Variants in SAMMSON observed in about 807,000 individuals in gnomAD.
The protein encoded by SAMMSON is long intergenic non-protein coding RNA 1212.
intron 4 of SAMMSON, among the ~76,000 whole-genome samples, chr3:70,230,405 G>C (rs1382498861): frequency 6.6e-6 from 1 of 152,068 alleles, no homozygotes; most frequent in African/African-American, 2.4e-5. Flanking sequence ...TTGAGGGCTG[G>C]TGTCAAACGC....
At chr3:70,297,931 T>C (rs1376261984) in intron 7 of SAMMSON, among the ~76,000 whole-genome samples, 2 of 152,144 alleles carry the variant, frequency 1.3e-5, no homozygotes, top group Admixed American at 6.6e-5. Context: ...TTAAAGCTTT[T>C]AGAGAGTGGT....
At chr3:70,022,213 A>G (rs975885603) in intron 3 of SAMMSON, among the ~76,000 whole-genome samples, 1 of 146,376 alleles carries the variant, frequency 6.8e-6, no homozygotes, top group Non-Finnish European at 1.5e-5. Flanking sequence ...TCAAATGACA[A>G]CGTGATATTC....
At chr3:70,352,110 CAAA>C (rs71126499) in intron 7 of SAMMSON, among the ~76,000 whole-genome samples, 1,767 of 138,900 alleles carry the variant, frequency 0.013, 18 homozygotes, top group African/African-American at 0.036. Context: ...CTCAATCTGG[CAAA>C]AAAAAAAAAA....
intron 3 of SAMMSON, among the ~76,000 whole-genome samples, chr3:70,063,247 T>A (rs2067197040): frequency 6.6e-6 from 1 of 152,144 alleles, no homozygotes; most frequent in African/African-American, 2.4e-5. Context: ...GATTAACTTT[T>A]GTATAATATT....
intron 6 of SAMMSON, among the ~76,000 whole-genome samples, chr3:70,264,344 C>G (rs1185196268): frequency 6.6e-6 from 1 of 152,160 alleles, no homozygotes; most frequent in Non-Finnish European, 1.5e-5. Context: ...ATTTAGAAAT[C>G]TGCTCTTGTT....
chr3:70,427,079 A>T (rs1234864569), intron 2 of SAMMSON, among the ~76,000 whole-genome samples: 5 of 152,240 alleles, frequency 3.3e-5, no homozygotes, highest in Admixed American at 1.3e-4. Flanking sequence ...ATCTGCCCTC[A>T]GTTTAAGACA....
chr3:70,400,669 T>C (rs1388307386), intron 2 of SAMMSON, among the ~76,000 whole-genome samples: 1 of 152,180 alleles, frequency 6.6e-6, no homozygotes, highest in Non-Finnish European at 1.5e-5. Flanking sequence ...AGGTGGCTCA[T>C]GCCTGTAATC....
intron 3 of SAMMSON, chr3:70,014,246 C>G (rs1304586896): frequency 2.0e-5 from 3 of 152,092 alleles, no homozygotes; most frequent in African/African-American, 7.2e-5. Flanking sequence ...ATTCAGTTGG[C>G]TAACATAATC....
chr3:70,052,240 C>T (rs1213358491), intron 3 of SAMMSON, among the ~76,000 whole-genome samples: 4 of 151,890 alleles, frequency 2.6e-5, no homozygotes, highest in African/African-American at 9.7e-5. Context: ...TGACAATGTC[C>T]CCAGAATAAT....
chr3:70,390,326 T>C (rs1330920564), downstream of SAMMSON, among the ~76,000 whole-genome samples: 1 of 152,144 alleles, frequency 6.6e-6, no homozygotes, highest in Non-Finnish European at 1.5e-5. Context: ...TCAAAATTGA[T>C]TCCAAGCAAT....
intron 3 of SAMMSON, among the ~76,000 whole-genome samples, chr3:70,048,258 C>T (rs1197627726): frequency 6.6e-6 from 1 of 152,002 alleles, no homozygotes; most frequent in Admixed American, 6.6e-5. Context: ...GGTAAATAAA[C>T]AAATTAAGGT....
intron 3 of SAMMSON, among the ~76,000 whole-genome samples, chr3:70,020,170 C>T (rs986443020): frequency 3.9e-5 from 6 of 152,154 alleles, no homozygotes; most frequent in Non-Finnish European, 7.3e-5. Flanking sequence ...CAAATCCCCA[C>T]GTCAATTTTG....
chr3:70,041,211 T>G (rs1362056208), intron 3 of SAMMSON, among the ~76,000 whole-genome samples: 1 of 152,148 alleles, frequency 6.6e-6, no homozygotes, highest in Non-Finnish European at 1.5e-5. Flanking sequence ...TTTGTGGAAT[T>G]TCCAAAGACA....
At chr3:70,232,723 A>G (rs1701572253) in intron 4 of SAMMSON, among the ~76,000 whole-genome samples, 1 of 152,140 alleles carries the variant, frequency 6.6e-6, no homozygotes. Flanking sequence ...AGTCACAATA[A>G]TAATGTAAAT....
chr3:70,057,985 T>C (rs2067173890), intron 3 of SAMMSON, among the ~76,000 whole-genome samples: 2 of 152,054 alleles, frequency 1.3e-5, no homozygotes, highest in Admixed American at 1.3e-4. Context: ...TGAAAACAAG[T>C]ATTTGTTGAG....
At chr3:70,046,995 A>G (rs1400146519) in intron 3 of SAMMSON, among the ~76,000 whole-genome samples, 1 of 152,108 alleles carries the variant, frequency 6.6e-6, no homozygotes, top group Non-Finnish European at 1.5e-5. Flanking sequence ...TATGAGCTCA[A>G]CATCCTTCAC....
chr3:70,419,940 A>G (rs1430929460), intron 2 of SAMMSON, among the ~76,000 whole-genome samples: 1 of 152,314 alleles, frequency 6.6e-6, no homozygotes, highest in East Asian at 1.9e-4. Context: ...GCCCAGCAAA[A>G]TAGTTTTATA....
intron 4 of SAMMSON, among the ~76,000 whole-genome samples, chr3:70,108,802 T>C (rs560080673): frequency 4.9e-4 from 75 of 152,180 alleles, no homozygotes; most frequent in Admixed American, 1.8e-3. Context: ...AAACCAACCT[T>C]GCTGGCATTT....
At chr3:70,125,197 AG>A (rs1285079921) in intron 4 of SAMMSON, 1 of 1,501,658 alleles carries the variant, frequency 6.7e-7, no homozygotes, top group African/African-American at 1.4e-5. Context: ...CTTTTTCATT[AG>A]GAAGTCCAAT....
Sources: allele counts gnomAD v4.1 joint callset (sites outside exome capture counted in the v4.1 genomes callset), GRCh38; gene constraint gnomAD v4.1.1; transcripts MANE v1.5; gene names NCBI Gene and HGNC (gene_info 2026-07-23, HGNC 2026-07-21).